Variants in COMMD10 observed in about 807,000 individuals in gnomAD.
COMMD10 encodes COMM domain-containing protein 10.
A neutral mutation model predicts 28.9 loss-of-function variants in COMMD10; 33 were observed. The ratio of observed to expected loss-of-function variants is 1.14; its 90% CI spans 0.87 to 1.53. COMMD10 has a LOEUF of 1.53. COMMD10 is among the 40% of genes most tolerant of loss of function. COMMD10 has a pLI of 0.00. For synonymous variants in COMMD10, 110 were observed against 81.7 expected, an observed-to-expected ratio of 1.35 and a Z score of -1.87; for missense variants, 310 against 233.4, an observed-to-expected ratio of 1.33 and a Z score of -2.14.
At chr5:116,230,448 T>A (rs1414647505) in intron 5 of COMMD10, among the ~76,000 whole-genome samples, 5 of 152,084 alleles carry the variant, frequency 3.3e-5, no homozygotes, top group Non-Finnish European at 5.9e-5. Context: ...CTTCTTTGCA[T>A]TATAACCAGG....
chr5:116,230,980 G>GAGT (rs1273359723), intron 5 of COMMD10, among the ~76,000 whole-genome samples: 1 of 152,128 alleles, frequency 6.6e-6, no homozygotes, highest in African/African-American at 2.4e-5. Flanking sequence ...TAATTGTGGG[G>GAGT]AGTGGGGATA....
At chr5:116,278,111 T>C (rs1421408444) in intron 5 of COMMD10, among the ~76,000 whole-genome samples, 1 of 151,796 alleles carries the variant, frequency 6.6e-6, no homozygotes, top group African/African-American at 2.4e-5. Context: ...TTACAAATGA[T>C]GTTTCAGTCA....
At chr5:116,216,692 C>G (rs1749111874) in intron 5 of COMMD10, among the ~76,000 whole-genome samples, 1 of 152,032 alleles carries the variant, frequency 6.6e-6, no homozygotes, top group Non-Finnish European at 1.5e-5. Context: ...CGCCACCACG[C>G]CCAGCTTATT....
Position 116,187,347 on chromosome 5 carries a change from T to G in COMMD10, c.510+53169T>G, listed in dbSNP as rs181934914. Among the ~76,000 whole-genome samples, 301 of 152,272 alleles carry G rather than the reference T, an allele frequency of 2.0e-3. 4 individuals are homozygous for G. The highest frequency in any genetic ancestry group is 6.9e-3 in the African/African-American group (289 of 41,590). ...TGGCAGTGTATTTGTTTTGTGAATT[T>G]TATTTATATGCAAAATAATAATTGT... On this transcript the variant is annotated intron_variant, in intron 5 of 6. Transcript: ENST00000274458.
chr5:116,165,016 T>C (rs545461002), intron 5 of COMMD10, among the ~76,000 whole-genome samples: 37 of 152,326 alleles, frequency 2.4e-4, no homozygotes, highest in African/African-American at 7.2e-4. Context: ...TTGATCTCAG[T>C]CTGTAGCTTA....
intron 5 of COMMD10, among the ~76,000 whole-genome samples, chr5:116,195,114 A>G (rs932870243): frequency 1.3e-5 from 2 of 152,178 alleles, no homozygotes; most frequent in African/African-American, 4.8e-5. Flanking sequence ...AAAATCCAGC[A>G]TTCTTTATGA....
intron 5 of COMMD10, among the ~76,000 whole-genome samples, chr5:116,275,228 T>C (rs530881396): frequency 9.2e-5 from 14 of 151,982 alleles, no homozygotes; most frequent in African/African-American, 3.4e-4. Context: ...TAAATCTGTA[T>C]GTGTTATAGT....
chr5:116,230,023 A>T (rs374143817), intron 5 of COMMD10, among the ~76,000 whole-genome samples: 1 of 151,996 alleles, frequency 6.6e-6, no homozygotes, highest in East Asian at 1.9e-4. Flanking sequence ...ATTGAGTATA[A>T]ACTTTATTAG....
At chr5:116,240,072 A>T (rs1482522040) in intron 5 of COMMD10, among the ~76,000 whole-genome samples, 2 of 152,184 alleles carry the variant, frequency 1.3e-5, no homozygotes, top group African/African-American at 4.8e-5. Context: ...GCACAAGGAC[A>T]GACAGGCAGA....
intron 4 of COMMD10, among the ~76,000 whole-genome samples, chr5:116,106,772 C>G (rs993416497): frequency 1.3e-5 from 2 of 152,154 alleles, no homozygotes; most frequent in African/African-American, 2.4e-5. Flanking sequence ...GGTTTAAAGT[C>G]TGTTTTATCA....
intron 5 of COMMD10, among the ~76,000 whole-genome samples, chr5:116,159,449 A>G (rs1752845023): frequency 6.6e-6 from 1 of 152,164 alleles, no homozygotes; most frequent in South Asian, 2.1e-4. Flanking sequence ...GCCTTTCCTG[A>G]ACATACATTG....
At chr5:116,126,178 C>T (rs1412171491) in intron 4 of COMMD10, among the ~76,000 whole-genome samples, 1 of 152,114 alleles carries the variant, frequency 6.6e-6, no homozygotes, top group Non-Finnish European at 1.5e-5. Context: ...TTCACAATTG[C>T]TTCAAAGAGA....
At chr5:116,192,223 A>T (rs986495338) in intron 5 of COMMD10, among the ~76,000 whole-genome samples, 1 of 151,160 alleles carries the variant, frequency 6.6e-6, no homozygotes, top group African/African-American at 2.4e-5. Context: ...GAACCAAAAA[A>T]CCAACTCTGG....
At chr5:116,229,587 A>G (rs17139210) in intron 5 of COMMD10, among the ~76,000 whole-genome samples, 16,100 of 152,040 alleles carry the variant, frequency 0.11, 903 homozygotes, top group East Asian at 0.14. Flanking sequence ...AGGACTCAAA[A>G]GGAGAAGACA....
chr5:116,085,617 C>G (rs2112702035), intron 1 of COMMD10: 1 of 152,892 alleles, frequency 6.5e-6, no homozygotes, highest in South Asian at 2.1e-4. Flanking sequence ...GTAGCATTTG[C>G]TTTTATTTGC....
At chr5:116,208,950 T>C (rs973855235) in intron 5 of COMMD10, among the ~76,000 whole-genome samples, 1 of 152,136 alleles carries the variant, frequency 6.6e-6, no homozygotes, top group Non-Finnish European at 1.5e-5. Flanking sequence ...ATTGGGAAAA[T>C]CTTTTGTTGT....
At chr5:116,126,802 G>T (rs972884581) in intron 4 of COMMD10, among the ~76,000 whole-genome samples, 3 of 152,082 alleles carry the variant, frequency 2.0e-5, no homozygotes, top group Non-Finnish European at 4.4e-5. Flanking sequence ...TTAAAAATTA[G>T]ACCTAAAACC....
At chr5:116,284,168 T>G (rs1406641982) in intron 5 of COMMD10, among the ~76,000 whole-genome samples, 1 of 150,698 alleles carries the variant, frequency 6.6e-6, no homozygotes, top group Non-Finnish European at 1.5e-5. Context: ...TCAGCAAATT[T>G]AATTTCTTTA....
At chr5:116,125,617 T>G (rs1209769405) in intron 4 of COMMD10, among the ~76,000 whole-genome samples, 1 of 152,188 alleles carries the variant, frequency 6.6e-6, no homozygotes, top group African/African-American at 2.4e-5. Context: ...CTTGGGGAAG[T>G]TCTCCTGGAT....
Sources: gnomAD v4.1 joint callset for allele counts (sites outside exome capture counted in the v4.1 genomes callset) on GRCh38, gnomAD v4.1.1 for gene constraint, MANE v1.5 for transcripts, NCBI Gene and HGNC (gene_info 2026-07-23, HGNC 2026-07-21) for gene names.